Variants in OSBPL8 observed in about 807,000 individuals in gnomAD.
OSBPL8 encodes oxysterol-binding protein-related protein 8.
OSBPL8 carries 59 observed loss-of-function variants against 125.5 expected under a neutral mutation model. The observed-to-expected ratio is 0.47, with a 90% CI of 0.38 to 0.58. OSBPL8 has a LOEUF of 0.58. Ranked by LOEUF, OSBPL8 falls within the 20% of genes least tolerant of loss-of-function variation. The probability of loss-of-function intolerance (pLI) is 0.00; values close to 1 mark genes in which losing one functional copy is unlikely to be tolerated. For missense variants in OSBPL8, 758 were observed against 1,047.8 expected (o/e 0.72, Z 3.82); for synonymous variants, 330 against 338.9 (o/e 0.97, Z 0.29).
rs747631028 is a variant in OSBPL8 at position 76,356,615 on chromosome 12, T to G, written c.2537+11A>C. ...GTCTCAAATGAATAGTCAGTGTCAT[T>G]ATATTATTACCTTTTAATTTCTTCC... On this transcript the variant is annotated intron_variant, in intron 23 of 23. Coordinates refer to ENST00000261183, the MANE Select transcript of OSBPL8 (RefSeq NM_020841.5). 4 of 1,536,266 alleles carry G rather than the reference T, an allele frequency of 2.6e-6. No homozygotes were observed. Among genetic ancestry groups the G allele is most frequent in the Admixed American group, 1.7e-5 (1 of 58,370 alleles).
chr12:76,523,879 T>A (rs1377420752), intron 1 of OSBPL8, among the ~76,000 whole-genome samples: 2 of 152,178 alleles, frequency 1.3e-5, no homozygotes, highest in African/African-American at 2.4e-5. Flanking sequence ...AATAGCAATA[T>A]AACTCTTCAT....
At chr12:76,357,095 TGTGA>T (rs528001310) in intron 22 of OSBPL8, among the ~76,000 whole-genome samples, 1 of 152,206 alleles carries the variant, frequency 6.6e-6, no homozygotes, top group African/African-American at 2.4e-5. Context: ...AATTTTTTAT[TGTGA>T]GTGTTTAGTT....
At chr12:76,509,859 G>T (rs1241780619) in intron 1 of OSBPL8, among the ~76,000 whole-genome samples, 1 of 152,050 alleles carries the variant, frequency 6.6e-6, no homozygotes, top group Non-Finnish European at 1.5e-5. Flanking sequence ...TCAGAGAGAA[G>T]GGGAAAAAGC....
Position 76,369,658 on chromosome 12 carries a change from T to G in OSBPL8, c.2219A>C (p.Glu740Ala). 6.2e-7 allele frequency: 1 copy of G among 1,613,470 alleles called. No homozygotes were observed. The highest frequency in any genetic ancestry group is 2.2e-5 in the East Asian group (1 of 44,860). The change falls in exon 20 of 24, where the codon GAA becomes GCA. Residue 740 changes from glutamate to alanine, a missense_variant. Physicochemically the swap from Glu to Ala is moderately radical, Grantham distance 107. Transcript: ENST00000261183. The part of the protein sequence containing the change: ...KLFELDPLTG[E>A]WHYKFADTRP... ...TTACTCTGCAAACTTGTAATGCCAT[T>G]CTCCTGTGAGTGGATCAAGTTCAAA...
At chr12:76,363,499 A>G (rs559060244) in intron 21 of OSBPL8, among the ~76,000 whole-genome samples, 6 of 152,338 alleles carry the variant, frequency 3.9e-5, no homozygotes, top group African/African-American at 1.4e-4. Flanking sequence ...CACCTTATAC[A>G]AAAATTAACT....
chr12:76,422,047 G>T (rs895768766), intron 4 of OSBPL8, among the ~76,000 whole-genome samples: 4 of 151,900 alleles, frequency 2.6e-5, no homozygotes, highest in African/African-American at 9.7e-5. Context: ...AAGATAAAAA[G>T]ATTAAGATAA....
intron 18 of OSBPL8, among the ~76,000 whole-genome samples, chr12:76,372,461 T>C (rs1592544035): frequency 2.0e-5 from 3 of 152,202 alleles, no homozygotes; most frequent in African/African-American, 7.2e-5. Flanking sequence ...GCTGGAATTA[T>C]AGGTGTGAGC....
chr12:76,532,715 A>C (rs1418353237), intron 1 of OSBPL8, among the ~76,000 whole-genome samples: 2 of 149,142 alleles, frequency 1.3e-5, no homozygotes, highest in African/African-American at 5.0e-5. Context: ...AAAGGAGTGG[A>C]CAAAAAAAAA....
intron 1 of OSBPL8, among the ~76,000 whole-genome samples, chr12:76,516,733 T>C (rs1026063070): frequency 6.6e-6 from 1 of 151,814 alleles, no homozygotes; most frequent in African/African-American, 2.4e-5. Context: ...ACCAATAATA[T>C]GGTTGATGAA....
intron 1 of OSBPL8, among the ~76,000 whole-genome samples, chr12:76,501,827 CT>C (rs1359260207): frequency 7.2e-5 from 11 of 152,256 alleles, no homozygotes; most frequent in African/African-American, 2.7e-4. Context: ...CGTTGAGCTG[CT>C]TCCATCACGA....
intron 1 of OSBPL8, among the ~76,000 whole-genome samples, chr12:76,545,099 T>G: frequency 6.6e-6 from 1 of 152,178 alleles, no homozygotes. Context: ...ATCTGTTCTC[T>G]AAATCAGTCA....
At chr12:76,413,454 T>C (rs1401534471) in intron 4 of OSBPL8, among the ~76,000 whole-genome samples, 1 of 152,224 alleles carries the variant, frequency 6.6e-6, no homozygotes, top group Non-Finnish European at 1.5e-5. Flanking sequence ...TGAACAATAG[T>C]GCTATGAATA....
intron 2 of OSBPL8, among the ~76,000 whole-genome samples, chr12:76,485,797 T>C (rs1052236902): frequency 7.2e-5 from 11 of 152,172 alleles, no homozygotes; most frequent in African/African-American, 2.7e-4. Flanking sequence ...AAAGTGAGGA[T>C]AAACAAATAT....
chr12:76,520,537 T>C (rs1258206087), intron 1 of OSBPL8, among the ~76,000 whole-genome samples: 2 of 152,152 alleles, frequency 1.3e-5, no homozygotes, highest in African/African-American at 4.8e-5. Context: ...ATGCTTCTCA[T>C]AGGAAGTGAT....
intron 4 of OSBPL8, among the ~76,000 whole-genome samples, chr12:76,412,444 T>G (rs1393040068): frequency 6.6e-6 from 1 of 151,792 alleles, no homozygotes; most frequent in African/African-American, 2.4e-5. Context: ...AAAATAATTT[T>G]AAAACACACC....
chr12:76,556,569 T>C (rs1324487563), intron 1 of OSBPL8, among the ~76,000 whole-genome samples: 1 of 152,220 alleles, frequency 6.6e-6, no homozygotes, highest in Non-Finnish European at 1.5e-5. Context: ...AAGGAAGCTA[T>C]ACTTTGGCCA....
intron 9 of OSBPL8, among the ~76,000 whole-genome samples, chr12:76,393,053 TCAAG>T (rs1953630762): frequency 6.6e-6 from 1 of 152,312 alleles, no homozygotes; most frequent in African/African-American, 2.4e-5. Flanking sequence ...TTTGAAGGTA[TCAAG>T]CAAGGTACAT....
chr12:76,552,048 G>C (rs974811998), intron 1 of OSBPL8, among the ~76,000 whole-genome samples: 10 of 152,086 alleles, frequency 6.6e-5, no homozygotes, highest in Admixed American at 3.9e-4. Flanking sequence ...AATTAGAAAA[G>C]AGAAGGTGAA....
chr12:76,392,546 G>C (rs749730929), intron 10 of OSBPL8, 35 bp downstream of exon 10: 3 of 1,573,758 alleles, frequency 1.9e-6, no homozygotes, highest in Non-Finnish European at 2.6e-6. Context: ...TATGGTCTCT[G>C]AAACATTACC....
Sources: gnomAD v4.1 joint callset for allele counts (sites outside exome capture counted in the v4.1 genomes callset) on GRCh38, gnomAD v4.1.1 for gene constraint, MANE v1.5 for transcripts, NCBI Gene and HGNC (gene_info 2026-07-23, HGNC 2026-07-21) for gene names.